DPYSL2: variants seen among roughly 807,000 people sequenced by gnomAD.
DPYSL2 encodes dihydropyrimidinase like 2.
Under a neutral mutation model 69.9 loss-of-function variants are expected in DPYSL2, and 13 were observed. The ratio of observed to expected loss-of-function variants is 0.19; its 90% CI spans 0.12 to 0.30. The LOEUF is 0.30. DPYSL2 is among the 10% of genes least tolerant of loss of function. The probability of loss-of-function intolerance (pLI) is 1.00; values close to 1 mark genes in which losing one functional copy is unlikely to be tolerated. For synonymous variants in DPYSL2, 326 were observed against 359.1 expected (o/e 0.91, Z 1.04); for missense variants, 587 against 918.9 (o/e 0.64, Z 4.67).
chr8:26,578,955 GCC>G lies in DPYSL2; in HGVS notation c.355-3005_355-3004del, dbSNP rs11285674. 1.9e-3 allele frequency among the ~76,000 whole-genome samples: 283 copies of G among 151,244 alleles called. 3 individuals carry two copies. The Middle Eastern group carries it at 0.024, about 13-fold the overall frequency. On this transcript the variant is annotated intron_variant, in intron 1 of 13. Coordinates refer to ENST00000521913, the MANE Select transcript of DPYSL2 (RefSeq NM_001197293.3). Reference sequence around the variant, plus strand: ...TGTTGGCCAGGAACCGGTTTTGGGTGCCCCCCCCCCGGTTTTCTCGCCCTGTA... The same window carrying G: ...TGTTGGCCAGGAACCGGTTTTGGGTGCCCCCCCCGGTTTTCTCGCCCTGTA...
At chr8:26,527,171 T>C (rs1038808035) in intron 1 of DPYSL2, among the ~76,000 whole-genome samples, 13 of 152,324 alleles carry the variant, frequency 8.5e-5, no homozygotes, top group African/African-American at 2.9e-4. Flanking sequence ...TGAAATCATT[T>C]CTGTTCAACA....
chr8:26,630,212 T>G (rs1802736772), intron 7 of DPYSL2, among the ~76,000 whole-genome samples: 1 of 152,214 alleles, frequency 6.6e-6, no homozygotes. Context: ...CATCCCCCTT[T>G]GCAGACACCG....
rs1803057951 is a variant in DPYSL2, at chr8:26,641,898, AGTGGCCGACAGG to A, written c.1127-1539_1127-1528del. ...GCAGCTGTGCAGAGCCAGCTCTCAG[AGTGGCCGACAGG>A]GAGGGTGTTGTGGTGTATCATCAAG... is the stretch of plus-strand genomic sequence containing the variant. On this transcript the variant is annotated intron_variant, in intron 8 of 13. Transcript: ENST00000521913. This position sits in a 1 kb window ranked among gnomAD's most constrained non-coding sequence, Gnocchi z 4.1. Among the ~76,000 whole-genome samples, 1 of 152,150 alleles carries A rather than the reference AGTGGCCGACAGG, an allele frequency of 6.6e-6. No homozygotes were observed. The highest frequency in any genetic ancestry group is 1.5e-5 in the Non-Finnish European group (1 of 68,032).
chr8:26,581,854 G>A, intron 1 of DPYSL2, 115 bp from the exon 2 acceptor site: 1 of 802,920 alleles, frequency 1.2e-6, no homozygotes, highest in African/African-American at 1.7e-5. Context: ...TCCAAAATGG[G>A]CTTATTTTGA....
chr8:26,542,027 C>T (rs1023211151), intron 1 of DPYSL2, among the ~76,000 whole-genome samples: 7 of 152,132 alleles, frequency 4.6e-5, no homozygotes, highest in Non-Finnish European at 7.4e-5. Context: ...TCCCAACAAT[C>T]TGGGAGGCCC....
chr8:26,594,370 A>G (rs896349033), intron 3 of DPYSL2, among the ~76,000 whole-genome samples: 2 of 152,042 alleles, frequency 1.3e-5, no homozygotes, highest in African/African-American at 4.8e-5. Flanking sequence ...ATATATATTT[A>G]TCTATCTAGC....
intron 8 of DPYSL2, among the ~76,000 whole-genome samples, chr8:26,636,775 C>T (rs1045070119): frequency 3.8e-4 from 58 of 152,234 alleles, no homozygotes; most frequent in African/African-American, 1.3e-3. Flanking sequence ...GAGTCTCACT[C>T]TGTCGCCCAG....
At chr8:26,543,926 T>G (rs1800723866) in intron 1 of DPYSL2, among the ~76,000 whole-genome samples, 2 of 152,224 alleles carry the variant, frequency 1.3e-5, no homozygotes. Context: ...ATTACAGGCA[T>G]GAGCCCTGTA....
intron 10 of DPYSL2, among the ~76,000 whole-genome samples, chr8:26,645,695 G>A (rs773746765): frequency 6.6e-5 from 10 of 152,062 alleles, no homozygotes; most frequent in Admixed American, 2.6e-4. Flanking sequence ...GATTACAGGC[G>A]TGTGCCACCA....
intron 7 of DPYSL2, among the ~76,000 whole-genome samples, chr8:26,628,914 G>A (rs1802676592): frequency 6.6e-6 from 1 of 152,204 alleles, no homozygotes; most frequent in African/African-American, 2.4e-5. Flanking sequence ...GTTCATACCA[G>A]TGTGGGAGGG....
chr8:26,569,742 G>C (rs1199152193), intron 1 of DPYSL2, among the ~76,000 whole-genome samples: 3 of 152,212 alleles, frequency 2.0e-5, no homozygotes, highest in Non-Finnish European at 2.9e-5. Flanking sequence ...CATCAGGAGG[G>C]AGGTCATGGA....
At chr8:26,557,519 C>G (rs1322832054) in intron 1 of DPYSL2, among the ~76,000 whole-genome samples, 1 of 149,408 alleles carries the variant, frequency 6.7e-6, no homozygotes, top group African/African-American at 2.5e-5. Context: ...TGGCTTATGC[C>G]TGTAATCCCA....
chr8:26,638,302 G>C (rs1027116454), intron 8 of DPYSL2, among the ~76,000 whole-genome samples: 6 of 152,176 alleles, frequency 3.9e-5, no homozygotes, highest in Non-Finnish European at 5.9e-5. Flanking sequence ...GAGAGGTCAG[G>C]CTGCGTAAGC....
At chr8:26,596,103 T>C (rs1289642843) in intron 3 of DPYSL2, among the ~76,000 whole-genome samples, 1 of 152,088 alleles carries the variant, frequency 6.6e-6, no homozygotes, top group Non-Finnish European at 1.5e-5. Flanking sequence ...CCTGAGGCCT[T>C]GACAGATATT....
At chr8:26,595,126 G>C (rs531055571) in intron 3 of DPYSL2, among the ~76,000 whole-genome samples, 105 of 151,744 alleles carry the variant, frequency 6.9e-4, no homozygotes, top group African/African-American at 2.5e-3. Context: ...GGGAGGCTGA[G>C]GTAGGAGGAT....
rs1363424250 is a variant in DPYSL2, at chr8:26,605,601, T to C, written c.629-18542T>C. On this transcript the variant is annotated intron_variant, in intron 3 of 13. Coordinates refer to ENST00000521913, the MANE Select transcript of DPYSL2 (RefSeq NM_001197293.3). The surrounding 1 kb of genome is among the most constrained non-coding windows in gnomAD (Gnocchi z 4.1). ...ACTTTAGCCATTCAAAGGAATTAAA[T>C]GAAGAAATATTTGATCTAAGAAGAA... 6.6e-6 allele frequency among the ~76,000 whole-genome samples: 1 copy of C among 152,196 alleles called. No individual in the cohort carries two copies. Among genetic ancestry groups the C allele is most frequent in the Non-Finnish European group, 1.5e-5 (1 of 68,034 alleles).
intron 1 of DPYSL2, among the ~76,000 whole-genome samples, chr8:26,538,410 C>A (rs1377062183): frequency 6.6e-6 from 1 of 152,020 alleles, no homozygotes; most frequent in Admixed American, 6.5e-5. Flanking sequence ...CCTATGCTAC[C>A]CCTCCCTCAG....
At position 26,640,042 on chromosome 8, in the gene DPYSL2, TG is replaced by T. The variant is rs1297680005; in HGVS notation, c.1127-3396del. 1.3e-5 allele frequency among the ~76,000 whole-genome samples: 2 copies of T among 152,236 alleles called. No homozygotes were observed. The highest frequency in any genetic ancestry group is 4.8e-5 in the African/African-American group (2 of 41,462). The stretch of plus-strand genomic sequence containing the variant: ...GTGAGAGCGTGTGTAACTGTCTGTC[TG>T]TCTGTCCATCCCAGTTGGTTTTCAC... On this transcript the variant is annotated intron_variant, in intron 8 of 13. Transcript: ENST00000521913. The surrounding 1 kb of genome is among the most constrained non-coding windows in gnomAD (Gnocchi z 4.2).
intron 1 of DPYSL2, among the ~76,000 whole-genome samples, chr8:26,535,032 C>T (rs914918076): frequency 2.0e-5 from 3 of 152,132 alleles, no homozygotes; most frequent in Non-Finnish European, 4.4e-5. Context: ...TGTCTTAGTC[C>T]AAGCTGCCAT....
Sources: gnomAD v4.1 joint callset for allele counts (sites outside exome capture counted in the v4.1 genomes callset) on GRCh38, gnomAD v4.1.1 for gene constraint, Gnocchi (gnomAD v3.1) non-coding constraint, MANE v1.5 for transcripts, NCBI Gene and HGNC (gene_info 2026-07-23, HGNC 2026-07-21) for gene names.